Variants in SDK1 observed in about 807,000 individuals in gnomAD.
SDK1 encodes the protein protein sidekick-1.
Under a neutral mutation model 245.5 loss-of-function variants are expected in SDK1, and 157 were observed. The ratio of observed to expected loss-of-function variants is 0.64; its 90% CI spans 0.56 to 0.73. The LOEUF is 0.73. Ranked by LOEUF, SDK1 falls within the 30% of genes least tolerant of loss-of-function variation. SDK1 has a pLI of 0.00. For synonymous variants in SDK1, 1,647 were observed against 1,278.5 expected (o/e 1.29, Z -6.15); for missense variants, 3,583 against 3,002.3 (o/e 1.19, Z -4.52).
chr7:3,344,908 A>G (rs144144978), intron 1 of SDK1, among the ~76,000 whole-genome samples: 2 of 152,330 alleles, frequency 1.3e-5, no homozygotes, highest in African/African-American at 2.4e-5. Flanking sequence ...ATAACAAGAG[A>G]TGCTTCATTT....
chr7:3,568,137 C>T (rs1014153487), intron 1 of SDK1, among the ~76,000 whole-genome samples: 1 of 152,102 alleles, frequency 6.6e-6, no homozygotes, highest in Non-Finnish European at 1.5e-5. Flanking sequence ...GTTCTTTGAA[C>T]AATGATCATT....
At chr7:3,705,425 GATTTTATTTT>G (rs4039583) in intron 4 of SDK1, among the ~76,000 whole-genome samples, 15,986 of 113,514 alleles carry the variant, frequency 0.14, 1,165 homozygotes, top group Middle Eastern at 0.24. Flanking sequence ...TATTCCTAGT[GATTTTATTTT>G]ATTTTATTTT....
intron 1 of SDK1, among the ~76,000 whole-genome samples, chr7:3,346,827 ATTTTT>A (rs1163275778): frequency 1.2e-4 from 2 of 16,388 alleles, no homozygotes; most frequent in African/African-American, 2.3e-4. Flanking sequence ...ATATATATAT[ATTTTT>A]TTTTTTTTTT....
intron 1 of SDK1, among the ~76,000 whole-genome samples, chr7:3,381,626 A>G (rs1246621763): frequency 1.3e-5 from 2 of 152,116 alleles, no homozygotes; most frequent in Non-Finnish European, 2.9e-5. Flanking sequence ...GACGTTTGAG[A>G]AGGATCCTAG....
rs57770805 is a variant in SDK1, at chr7:3,319,878, C to CTTTTTTTTTTTTTTTT, written c.298+17996_298+18011dup. On this transcript the variant is annotated intron_variant, in intron 1 of 44. Coordinates refer to ENST00000404826, the MANE Select transcript of SDK1 (RefSeq NM_152744.4). ...TGCCTATATCTAACCCATTCTTAGT[C>CTTTTTTTTTTTTTTTT]TTTTTTTTTTTTTTTTTGCATTTGC... Among the ~76,000 whole-genome samples, 23 of 88,116 alleles carry CTTTTTTTTTTTTTTTT rather than the reference C, an allele frequency of 2.6e-4. 2 individuals carry two copies. Among genetic ancestry groups the CTTTTTTTTTTTTTTTT allele is most frequent in the South Asian group, 4.0e-4 (1 of 2,524 alleles). The allele number at this position is 88,116 out of a possible 152,430, so 57.8% of individuals were successfully genotyped here. A position where few individuals can be genotyped will look rare whatever the true frequency, so the allele number is the denominator to read the frequency against.
At chr7:4,040,603 A>T (rs1788557021) in intron 17 of SDK1, among the ~76,000 whole-genome samples, 1 of 152,310 alleles carries the variant, frequency 6.6e-6, no homozygotes, top group Admixed American at 6.5e-5. Flanking sequence ...AAAGGATTTT[A>T]CAGATGAGCT....
rs145049765 is a variant in SDK1 at position 3,659,118 on chromosome 7, G to A, written c.713+17013G>A. ...TAGCCTTTACCCAGTTGTCTTTTTC[G>A]CTTTCTTTTTCTTTTGTCCTTTACT... On this transcript the variant is annotated intron_variant, in intron 4 of 44. Coordinates refer to ENST00000404826, the MANE Select transcript of SDK1 (RefSeq NM_152744.4). Among the ~76,000 whole-genome samples the A allele has an allele frequency of 2.3e-3, 353 of 152,094 alleles. 2 individuals are homozygous for A. The highest frequency in any genetic ancestry group is 7.7e-3 in the African/African-American group (318 of 41,498).
intron 1 of SDK1, among the ~76,000 whole-genome samples, chr7:3,322,463 C>G (rs780103447): frequency 6.6e-6 from 1 of 152,110 alleles, no homozygotes; most frequent in Non-Finnish European, 1.5e-5. Context: ...TGTTTGAACA[C>G]CTGTTTTCTC....
intron 5 of SDK1, among the ~76,000 whole-genome samples, chr7:3,835,500 C>T (rs111494674): frequency 3.9e-5 from 6 of 152,210 alleles, no homozygotes; most frequent in African/African-American, 9.6e-5. Context: ...AACCTGCCTC[C>T]GTATACTTTC....
chr7:4,056,738 G>A (rs948800676), intron 19 of SDK1, among the ~76,000 whole-genome samples: 16 of 152,056 alleles, frequency 1.1e-4, no homozygotes, highest in Admixed American at 6.6e-5. Flanking sequence ...CACCCCACAC[G>A]CCCGAGCCCA....
rs758259836 is a variant in SDK1 at position 3,687,056 on chromosome 7, A to AAAAC, written c.713+44952_713+44953insAACA. On this transcript the variant is annotated intron_variant, in intron 4 of 44. Transcript: ENST00000404826. Reference sequence around the variant, plus strand: ...CCAAACTGGGTTGGGATAGCATCAAAACACACACACACACACACACACACA... The same window carrying AAAAC: ...CCAAACTGGGTTGGGATAGCATCAAAAAACACACACACACACACACACACACACA... Among the ~76,000 whole-genome samples the AAAAC allele has an allele frequency of 4.4e-5, 6 of 135,250 alleles. No homozygotes were observed. In the South Asian group the frequency reaches 1.5e-3, roughly 33 times the overall value. 88.7% of individuals were successfully genotyped at this position (135,250 alleles called of 152,430 possible). A position where few individuals can be genotyped will look rare whatever the true frequency, so the allele number is the denominator to read the frequency against.
chr7:3,933,885 C>T (rs1165552485), intron 5 of SDK1, among the ~76,000 whole-genome samples: 4 of 152,178 alleles, frequency 2.6e-5, no homozygotes, highest in Non-Finnish European at 4.4e-5. Context: ...AACTGAAGCC[C>T]TAAGAAACCT....
intron 4 of SDK1, among the ~76,000 whole-genome samples, chr7:3,655,057 T>TTTTTTTTTTG (rs1562633909): frequency 6.6e-6 from 1 of 151,274 alleles, no homozygotes; most frequent in Non-Finnish European, 1.5e-5. Context: ...TGCTTTTTTT[T>TTTTTTTTTTG]TTTTTGGCTC....
chr7:3,810,757 C>G (rs1283820063), intron 4 of SDK1, among the ~76,000 whole-genome samples: 1 of 152,156 alleles, frequency 6.6e-6, no homozygotes, highest in African/African-American at 2.4e-5. Context: ...CACATAAACA[C>G]ATGTGGAGAA....
intron 4 of SDK1, among the ~76,000 whole-genome samples, chr7:3,698,730 G>T (rs1032423662): frequency 5.3e-5 from 8 of 152,166 alleles, no homozygotes; most frequent in African/African-American, 1.9e-4. Context: ...CCTTCTCGCT[G>T]TGTCCTCACA....
chr7:3,636,984 A>C (rs999933616), intron 2 of SDK1, among the ~76,000 whole-genome samples: 1 of 151,936 alleles, frequency 6.6e-6, no homozygotes. Flanking sequence ...GTGGCTTTGG[A>C]GAAATGTCTG....
At chr7:3,318,148 G>T (rs1026158275) in intron 1 of SDK1, among the ~76,000 whole-genome samples, 1 of 152,110 alleles carries the variant, frequency 6.6e-6, no homozygotes, top group Non-Finnish European at 1.5e-5. Context: ...TAGTCCCAGC[G>T]CATTTTTCGC....
intron 4 of SDK1, among the ~76,000 whole-genome samples, chr7:3,663,708 T>G (rs988525395): frequency 2.0e-5 from 3 of 152,232 alleles, no homozygotes; most frequent in African/African-American, 7.2e-5. Flanking sequence ...CCTACTTGTT[T>G]ATAGCTACTG....
chr7:4,232,157 A>T (rs1417660391), intron 40 of SDK1, among the ~76,000 whole-genome samples: 1 of 150,926 alleles, frequency 6.6e-6, no homozygotes, highest in Non-Finnish European at 1.5e-5. Context: ...ATAAATATTA[A>T]CTTACTTAAT....
Sources: allele counts gnomAD v4.1 joint callset (sites outside exome capture counted in the v4.1 genomes callset), GRCh38; gene constraint gnomAD v4.1.1; transcripts MANE v1.5; gene names NCBI Gene and HGNC (gene_info 2026-07-23, HGNC 2026-07-21).